GPR39: variants seen among roughly 807,000 people sequenced by gnomAD.
GPR39 encodes G protein-coupled receptor 39, also known as zinc sensing receptor.
A neutral mutation model predicts 18.4 loss-of-function variants in GPR39; 23 were observed. The observed-to-expected ratio is 1.25, with a 90% confidence interval of 0.90 to 1.77. The LOEUF (loss-of-function observed/expected upper bound fraction) is 1.77. GPR39 is among the 40% of genes most tolerant of loss of function. The pLI, the probability that GPR39 is intolerant of heterozygous loss-of-function variation, is 0.00. For synonymous variants in GPR39, 280 were observed against 257.9 expected (o/e 1.09, Z -0.82); for missense variants, 647 against 602.4 (o/e 1.07, Z -0.78).
At chr2:132,537,195 A>G (rs923858141) in intron 1 of GPR39, among the ~76,000 whole-genome samples, 1 of 152,214 alleles carries the variant, frequency 6.6e-6, no homozygotes, top group Admixed American at 6.5e-5. Context: ...ATGTTTTTGC[A>G]GTGGCTGGTA....
chr2:132,452,317 T>C (rs115829885), intron 1 of GPR39, among the ~76,000 whole-genome samples: 3,827 of 152,320 alleles, frequency 0.025, 163 homozygotes, highest in African/African-American at 0.087. Context: ...TCTTCTTTTA[T>C]TTCTGGAAAA....
At chr2:132,472,713 G>A (rs1681055029) in intron 1 of GPR39, among the ~76,000 whole-genome samples, 1 of 152,092 alleles carries the variant, frequency 6.6e-6, no homozygotes, top group African/African-American at 2.4e-5. Context: ...ATCTGCTTGA[G>A]TCTAGTACCA....
At chr2:132,418,841 T>C (rs1679958900) in intron 1 of GPR39, among the ~76,000 whole-genome samples, 1 of 152,166 alleles carries the variant, frequency 6.6e-6, no homozygotes, top group Non-Finnish European at 1.5e-5. Flanking sequence ...GTATTGTGCG[T>C]GTGTGAATCA....
chr2:132,567,519 C>T (rs940637523), intron 1 of GPR39, among the ~76,000 whole-genome samples: 2 of 152,218 alleles, frequency 1.3e-5, no homozygotes, highest in Non-Finnish European at 2.9e-5. Flanking sequence ...CTCCTCAGCA[C>T]TCTGCAGGGT....
chr2:132,614,345 T>C (rs968529523), intron 1 of GPR39, among the ~76,000 whole-genome samples: 1 of 151,814 alleles, frequency 6.6e-6, no homozygotes, highest in Non-Finnish European at 1.5e-5. Context: ...TAGCTGGGAC[T>C]ACAGGTGCAT....
chr2:132,580,317 A>G (rs978643462), intron 1 of GPR39, among the ~76,000 whole-genome samples: 11 of 152,300 alleles, frequency 7.2e-5, no homozygotes, highest in African/African-American at 2.6e-4. Context: ...CTCTAGTGTG[A>G]GGGTTTTCCC....
At chr2:132,501,342 G>A (rs1320970066) in intron 1 of GPR39, among the ~76,000 whole-genome samples, 1 of 152,020 alleles carries the variant, frequency 6.6e-6, no homozygotes, top group Admixed American at 6.6e-5. Flanking sequence ...GACCCAATGA[G>A]CATTCAGGAG....
chr2:132,476,292 C>T (rs1297994582), intron 1 of GPR39, among the ~76,000 whole-genome samples: 1 of 152,000 alleles, frequency 6.6e-6, no homozygotes, highest in African/African-American at 2.4e-5. Context: ...GTTCGAAGTC[C>T]CTAGAAAACA....
At chr2:132,547,365 A>C (rs919043906) in intron 1 of GPR39, among the ~76,000 whole-genome samples, 3 of 152,224 alleles carry the variant, frequency 2.0e-5, no homozygotes, top group Non-Finnish European at 2.9e-5. Flanking sequence ...ATTGCAAAGC[A>C]GTAAGGATGC....
chr2:132,499,731 A>G (rs900320777), intron 1 of GPR39, among the ~76,000 whole-genome samples: 2 of 152,092 alleles, frequency 1.3e-5, no homozygotes, highest in East Asian at 1.9e-4. Context: ...TGTGTTGTCT[A>G]TGATTTCTTT....
chr2:132,623,935 C>A (rs1331435337), intron 1 of GPR39, among the ~76,000 whole-genome samples: 1 of 152,150 alleles, frequency 6.6e-6, no homozygotes, highest in Admixed American at 6.5e-5. Context: ...TGACCACCCC[C>A]TCACCTCCAC....
At chr2:132,540,604 C>T (rs1476620293) in intron 1 of GPR39, among the ~76,000 whole-genome samples, 2 of 152,148 alleles carry the variant, frequency 1.3e-5, no homozygotes, top group Non-Finnish European at 2.9e-5. Context: ...GATAAAGCTG[C>T]CAAGGAGCAT....
chr2:132,491,517 T>C (rs574329809), intron 1 of GPR39, among the ~76,000 whole-genome samples: 1 of 152,050 alleles, frequency 6.6e-6, no homozygotes, highest in South Asian at 2.1e-4. Context: ...TGTGGGTATA[T>C]ATAGGGGAAT....
At chr2:132,644,156 G>A (rs1681934640) in intron 1 of GPR39, among the ~76,000 whole-genome samples, 1 of 152,186 alleles carries the variant, frequency 6.6e-6, no homozygotes, top group South Asian at 2.1e-4. Context: ...GTTGTTTGTG[G>A]TCTATGTAGC....
intron 1 of GPR39, among the ~76,000 whole-genome samples, chr2:132,543,385 C>A (rs1489830023): frequency 6.6e-6 from 1 of 152,130 alleles, no homozygotes; most frequent in African/African-American, 2.4e-5. Flanking sequence ...TAGGCAAGTC[C>A]CCTATGCAAG....
intron 1 of GPR39, among the ~76,000 whole-genome samples, chr2:132,586,085 G>T (rs989975306): frequency 3.3e-5 from 5 of 151,488 alleles, no homozygotes; most frequent in African/African-American, 1.2e-4. Context: ...CTGCTGCTGC[G>T]AGAGCAAATC....
intron 1 of GPR39, among the ~76,000 whole-genome samples, chr2:132,438,573 CTTTTTTTTTTTTTTTT>C (rs35614907): frequency 2.0e-5 from 2 of 97,766 alleles, no homozygotes; most frequent in Non-Finnish European, 3.9e-5. Context: ...TGTCAGCAAG[CTTTTTTTTTTTTTTTT>C]TTTTTTTTTA....
At chr2:132,504,692 A>C (rs1679102788) in intron 1 of GPR39, among the ~76,000 whole-genome samples, 1 of 152,206 alleles carries the variant, frequency 6.6e-6, no homozygotes, top group Non-Finnish European at 1.5e-5. Context: ...TTGTGTTTGC[A>C]CATAAAATAG....
At chr2:132,601,749 C>G (rs1292352594) in intron 1 of GPR39, among the ~76,000 whole-genome samples, 1 of 152,052 alleles carries the variant, frequency 6.6e-6, no homozygotes. Flanking sequence ...ATGCAAAAAT[C>G]AGTAGTGTCT....
Sources: allele counts gnomAD v4.1 joint callset (sites outside exome capture counted in the v4.1 genomes callset), GRCh38; gene constraint gnomAD v4.1.1; transcripts MANE v1.5; gene names NCBI Gene and HGNC (gene_info 2026-07-23, HGNC 2026-07-21).